Variants in TSPAN5 observed in about 807,000 individuals in gnomAD.
TSPAN5 encodes the protein tetraspanin 5, also known as tetraspanin-5.
In TSPAN5, 10 loss-of-function variants were observed where a neutral mutation model predicts 37.1. The ratio of observed to expected loss-of-function variants is 0.27; its 90% CI spans 0.17 to 0.46. TSPAN5 has a LOEUF of 0.46. Ranked by LOEUF, TSPAN5 falls within the 20% of genes least tolerant of loss-of-function variation. The pLI, the probability that TSPAN5 is intolerant of heterozygous loss-of-function variation, is 1.00. For missense variants in TSPAN5, 195 were observed against 326.6 expected (o/e 0.60, Z 3.11); for synonymous variants, 110 against 118.9 (o/e 0.93, Z 0.48).
In TSPAN5 at chr4:98,592,433, T is replaced by TTTG. The variant is rs1553916149; in HGVS notation, c.81+65712_81+65713insCAA. Among the ~76,000 whole-genome samples, 306 of 144,776 alleles carry TTTG rather than the reference T, an allele frequency of 2.1e-3. 2 individuals carry two copies. Among genetic ancestry groups the TTTG allele is most frequent in the African/African-American group, 8.2e-3 (298 of 36,526 alleles). 95.0% of individuals were successfully genotyped at this position (144,776 alleles called of 152,430 possible). On this transcript the variant is annotated intron_variant, in intron 1 of 7. Coordinates refer to ENST00000305798, the MANE Select transcript of TSPAN5 (RefSeq NM_005723.4). Reference sequence around the variant, plus strand: ...CTAAGGGATCTCTGTTTTTTGTTTTTTTTTTTTTTTTTTTTATTATACTCT... The same window carrying TTTG: ...CTAAGGGATCTCTGTTTTTTGTTTTTTTGTTTTTTTTTTTTTTTATTATACTCT...
chr4:98,519,129 A>C (rs1560520889), intron 1 of TSPAN5, among the ~76,000 whole-genome samples: 1 of 152,128 alleles, frequency 6.6e-6, no homozygotes, highest in Non-Finnish European at 1.5e-5. Context: ...CAAGATGGAG[A>C]CAGCAGATGA....
At chr4:98,617,960 A>G (rs1756377440) in intron 1 of TSPAN5, among the ~76,000 whole-genome samples, 1 of 152,070 alleles carries the variant, frequency 6.6e-6, no homozygotes, top group Non-Finnish European at 1.5e-5. Flanking sequence ...CCCTCCTCCA[A>G]CTTCACTTCA....
At chr4:98,538,907 A>T (rs1023339128) in intron 1 of TSPAN5, among the ~76,000 whole-genome samples, 7 of 152,232 alleles carry the variant, frequency 4.6e-5, no homozygotes, top group African/African-American at 1.7e-4. Context: ...TCAAAATATC[A>T]TACAGGTATG....
intron 7 of TSPAN5, among the ~76,000 whole-genome samples, chr4:98,474,023 A>C (rs1752642529): frequency 1.3e-5 from 2 of 152,132 alleles, no homozygotes; most frequent in African/African-American, 4.8e-5. Context: ...TGATGGTATC[A>C]TTTTCAGCAC....
At chr4:98,528,453 T>A (rs1029568582) in intron 1 of TSPAN5, among the ~76,000 whole-genome samples, 1 of 150,226 alleles carries the variant, frequency 6.7e-6, no homozygotes, top group African/African-American at 2.5e-5. Context: ...AACACTGATG[T>A]AGGCATCCAG....
At chr4:98,615,015 A>G (rs1756288735) in intron 1 of TSPAN5, among the ~76,000 whole-genome samples, 1 of 152,258 alleles carries the variant, frequency 6.6e-6, no homozygotes, top group Admixed American at 6.5e-5. Context: ...GATGCCAACT[A>G]GCTAGGATCA....
At chr4:98,509,946 C>T (rs1753569129) in intron 1 of TSPAN5, 1 of 152,220 alleles carries the variant, frequency 6.6e-6, no homozygotes, top group Non-Finnish European at 1.5e-5. Flanking sequence ...CTTTCCAATG[C>T]TGAAGCTCCT....
chr4:98,516,823 T>C (rs907793765), intron 1 of TSPAN5, among the ~76,000 whole-genome samples: 6 of 152,158 alleles, frequency 3.9e-5, no homozygotes, highest in Admixed American at 1.3e-4. Flanking sequence ...AAGAGTTGGT[T>C]GGCATTAAGT....
At chr4:98,511,991 G>A (rs1478521586) in intron 1 of TSPAN5, among the ~76,000 whole-genome samples, 1 of 152,126 alleles carries the variant, frequency 6.6e-6, no homozygotes, top group African/African-American at 2.4e-5. Context: ...AAGGTGGGCG[G>A]ATCATGAGGT....
intron 1 of TSPAN5, among the ~76,000 whole-genome samples, chr4:98,633,682 C>G (rs1756794473): frequency 6.6e-6 from 1 of 152,322 alleles, no homozygotes; most frequent in African/African-American, 2.4e-5. Context: ...CCCTGAACCA[C>G]TGCCCGCAAA....
chr4:98,562,958 G>T (rs1051547402), intron 1 of TSPAN5, among the ~76,000 whole-genome samples: 2 of 151,980 alleles, frequency 1.3e-5, no homozygotes, highest in Admixed American at 1.3e-4. Context: ...TTTGGTCTAG[G>T]GTCAAAAACA....
chr4:98,528,108 G>A (rs1164177233), intron 1 of TSPAN5, among the ~76,000 whole-genome samples: 1 of 152,098 alleles, frequency 6.6e-6, no homozygotes, highest in African/African-American at 2.4e-5. Flanking sequence ...CATATGAGCT[G>A]GATAGAGAAA....
chr4:98,575,104 A>T (rs192256174), intron 1 of TSPAN5, among the ~76,000 whole-genome samples: 1 of 152,210 alleles, frequency 6.6e-6, no homozygotes, highest in Non-Finnish European at 1.5e-5. Flanking sequence ...CTCTGCAAGG[A>T]ACACCTCATG....
intron 1 of TSPAN5, among the ~76,000 whole-genome samples, chr4:98,612,755 C>T (rs997437839): frequency 6.6e-6 from 1 of 152,198 alleles, no homozygotes; most frequent in Non-Finnish European, 1.5e-5. Context: ...GCTCTTCAAA[C>T]CCACCAAGCC....
chr4:98,481,626 T>A (rs774227419), intron 4 of TSPAN5, among the ~76,000 whole-genome samples: 6 of 152,036 alleles, frequency 3.9e-5, no homozygotes, highest in Non-Finnish European at 8.8e-5. Flanking sequence ...ATATCAAGGA[T>A]TACCAAAAAA....
At chr4:98,492,251 C>G (rs892790049) in intron 2 of TSPAN5, among the ~76,000 whole-genome samples, 2 of 152,134 alleles carry the variant, frequency 1.3e-5, no homozygotes, top group Non-Finnish European at 2.9e-5. Flanking sequence ...AACTCCAGAG[C>G]CTTGTGAAGC....
chr4:98,557,433 C>G (rs1237610599), intron 1 of TSPAN5, among the ~76,000 whole-genome samples: 5 of 152,180 alleles, frequency 3.3e-5, no homozygotes, highest in Admixed American at 3.3e-4. Flanking sequence ...ATTTGGGAAG[C>G]TGTTTTTTTC....
intron 1 of TSPAN5, among the ~76,000 whole-genome samples, chr4:98,655,471 C>T (rs1757277320): frequency 6.6e-6 from 1 of 152,206 alleles, no homozygotes; most frequent in African/African-American, 2.4e-5. Context: ...AGCCAAACTG[C>T]TGATCAGGAA....
intron 5 of TSPAN5, 145 bp from the exon 6 acceptor site, chr4:98,476,605 A>G: frequency 5.8e-6 from 4 of 690,850 alleles, no homozygotes; most frequent in South Asian, 5.4e-5. Context: ...AACACTTTAT[A>G]TACATGATCC....
Sources: gnomAD v4.1 joint callset for allele counts (sites outside exome capture counted in the v4.1 genomes callset) on GRCh38, gnomAD v4.1.1 for gene constraint, MANE v1.5 for transcripts, NCBI Gene and HGNC (gene_info 2026-07-23, HGNC 2026-07-21) for gene names.